Variants in STXBP5 observed in about 807,000 individuals in gnomAD.
The protein encoded by STXBP5 is syntaxin-binding protein 5.
Under a neutral mutation model 152.4 loss-of-function variants are expected in STXBP5, and 50 were observed. The ratio of observed to expected loss-of-function variants is 0.33; its 90% CI spans 0.26 to 0.42. The LOEUF (loss-of-function observed/expected upper bound fraction) is 0.42, where lower values mean the gene tolerates loss of function less well. Ranked by LOEUF, STXBP5 falls within the 10% of genes least tolerant of loss-of-function variation. The pLI, the probability that STXBP5 is intolerant of heterozygous loss-of-function variation, is 1.00. For missense variants in STXBP5, 1,167 were observed against 1,388.6 expected, an observed-to-expected ratio of 0.84 and a Z score of 2.54; for synonymous variants, 492 against 494.7, an observed-to-expected ratio of 0.99 and a Z score of 0.07.
intron 9 of STXBP5, among the ~76,000 whole-genome samples, chr6:147,298,733 A>G (rs554690418): frequency 5.9e-5 from 9 of 152,190 alleles, no homozygotes; most frequent in East Asian, 1.9e-4. Flanking sequence ...TGAATAGCCA[A>G]TGAGTCAATA....
At chr6:147,334,080 T>A (rs1261402323) in intron 18 of STXBP5, 77 bp from the exon 19 acceptor site, 11 of 1,396,420 alleles carry the variant, frequency 7.9e-6, no homozygotes, top group Non-Finnish European at 1.0e-5. Flanking sequence ...AGTAGTTAAA[T>A]GTGTACTATA....
chr6:147,219,795 G>A (rs1215788003), intron 2 of STXBP5, among the ~76,000 whole-genome samples: 1 of 123,922 alleles, frequency 8.1e-6, no homozygotes, highest in Non-Finnish European at 1.7e-5. Flanking sequence ...ATGGCTAGAA[G>A]CTTGTTTTTT....
chr6:147,354,397 A>C (rs1057418698), intron 22 of STXBP5, among the ~76,000 whole-genome samples: 1 of 152,086 alleles, frequency 6.6e-6, no homozygotes, highest in African/African-American at 2.4e-5. Flanking sequence ...CCCTAGTATA[A>C]GGGAACAAGA....
chr6:147,204,438 C>T lies in STXBP5; in HGVS notation c.-95C>T, dbSNP rs2114997890. 7.9e-7 allele frequency: 1 copy of T among 1,263,068 alleles called. No homozygotes were observed. Among genetic ancestry groups the T allele is most frequent in the Non-Finnish European group, 1.1e-6 (1 of 903,596 alleles). 78.2% of individuals were successfully genotyped at this position (1,263,068 alleles called of 1,614,324 possible). On this transcript the variant is annotated 5_prime_UTR_variant, in exon 1 of 28. Coordinates refer to ENST00000321680, the MANE Select transcript of STXBP5 (RefSeq NM_001127715.4). The surrounding 1 kb of genome is among the most constrained non-coding windows in gnomAD (Gnocchi z 4.3). ...CCTCACACTCCCACTCCTCCGTTTC[C>T]GCGGTCGAAGCTGCCTTCGGCCCCG...
chr6:147,312,568 A>G (rs1782438335), intron 11 of STXBP5, among the ~76,000 whole-genome samples: 1 of 152,094 alleles, frequency 6.6e-6, no homozygotes, highest in Non-Finnish European at 1.5e-5. Flanking sequence ...AGTGGGTAGA[A>G]GACAGAGATG....
chr6:147,377,131 A>G (rs1201304425), intron 26 of STXBP5, among the ~76,000 whole-genome samples: 1 of 152,184 alleles, frequency 6.6e-6, no homozygotes, highest in African/African-American at 2.4e-5. Context: ...CAAAGAGTTA[A>G]AATAACTTTA....
chr6:147,374,947 G>A (rs1288502428), intron 26 of STXBP5, among the ~76,000 whole-genome samples: 1 of 152,112 alleles, frequency 6.6e-6, no homozygotes, highest in Admixed American at 6.6e-5. Context: ...TCAAATATCT[G>A]GGTGGCCTGT....
intron 21 of STXBP5, among the ~76,000 whole-genome samples, chr6:147,352,694 T>C (rs1784643544): frequency 6.6e-6 from 1 of 152,180 alleles, no homozygotes; most frequent in Non-Finnish European, 1.5e-5. Context: ...AACTTAGTCT[T>C]AGGCCTCTAT....
At chr6:147,232,095 A>C (rs1582817124) in intron 2 of STXBP5, among the ~76,000 whole-genome samples, 1 of 151,854 alleles carries the variant, frequency 6.6e-6, no homozygotes, top group Non-Finnish European at 1.5e-5. Context: ...TAGTCTAGAT[A>C]GGTCTTATAT....
chr6:147,274,675 T>C (rs1157571600), intron 7 of STXBP5, among the ~76,000 whole-genome samples: 4 of 152,080 alleles, frequency 2.6e-5, no homozygotes, highest in African/African-American at 9.7e-5. Context: ...ATTTTCAATA[T>C]TTTCATGTAT....
chr6:147,265,232 G>A (rs1334350927), intron 6 of STXBP5, among the ~76,000 whole-genome samples: 3 of 152,034 alleles, frequency 2.0e-5, no homozygotes, highest in African/African-American at 7.2e-5. Context: ...ACTGTATTCT[G>A]TACTAAAGTA....
chr6:147,365,372 G>A (rs1275395524), intron 25 of STXBP5, among the ~76,000 whole-genome samples: 2 of 152,106 alleles, frequency 1.3e-5, no homozygotes, highest in African/African-American at 4.8e-5. Context: ...CTAGCAAAAT[G>A]TTATGTTAAG....
At chr6:147,235,124 C>G in intron 2 of STXBP5, 126 bp from the exon 3 acceptor site, 1 of 712,226 alleles carries the variant, frequency 1.4e-6, no homozygotes, top group East Asian at 2.8e-5. Flanking sequence ...AACTCTAAAT[C>G]TCAACTTCAG....
intron 1 of STXBP5, among the ~76,000 whole-genome samples, chr6:147,205,569 C>T (rs966799879): frequency 6.6e-6 from 1 of 151,994 alleles, no homozygotes; most frequent in Non-Finnish European, 1.5e-5. Context: ...GAAGTACTTG[C>T]GTTAGCATCC....
rs1776578786 is a variant in STXBP5, at chr6:147,206,647, CTT to C, written c.248+580_248+581del. On this transcript the variant is annotated intron_variant, in intron 2 of 27. Coordinates refer to ENST00000321680, the MANE Select transcript of STXBP5 (RefSeq NM_001127715.4). The stretch of plus-strand genomic sequence containing the variant: ...AAATGCATGGGGATAAATTTTTTCT[CTT>C]GATATACTTTTTCTCTCATAGTCTA... 2.0e-5 allele frequency among the ~76,000 whole-genome samples: 3 copies of C among 151,984 alleles called. No homozygotes were observed. The South Asian group carries it at 6.2e-4, about 31-fold the overall frequency.
intron 10 of STXBP5, among the ~76,000 whole-genome samples, chr6:147,310,789 A>C (rs1362225355): frequency 3.3e-5 from 5 of 152,188 alleles, no homozygotes; most frequent in Admixed American, 3.3e-4. Context: ...TGACTGAATG[A>C]GGCCCATTCG....
intron 9 of STXBP5, among the ~76,000 whole-genome samples, chr6:147,295,362 C>T (rs116273670): frequency 2.4e-3 from 359 of 152,286 alleles, no homozygotes; most frequent in African/African-American, 8.1e-3. Flanking sequence ...TTGGGAAAAG[C>T]ATCTCTTTAT....
intron 4 of STXBP5, among the ~76,000 whole-genome samples, chr6:147,246,590 T>C (rs1030974144): frequency 2.6e-5 from 4 of 152,174 alleles, no homozygotes; most frequent in African/African-American, 9.7e-5. Context: ...TTAATATATT[T>C]CTAAAGACGT....
intron 4 of STXBP5, among the ~76,000 whole-genome samples, chr6:147,251,928 G>A (rs978253389): frequency 1.3e-5 from 2 of 152,188 alleles, no homozygotes; most frequent in Non-Finnish European, 2.9e-5. Context: ...CTCTGCTGGT[G>A]ATACCCAGGC....
Sources: allele counts gnomAD v4.1 joint callset (sites outside exome capture counted in the v4.1 genomes callset), GRCh38; gene constraint gnomAD v4.1.1; non-coding constraint Gnocchi (gnomAD v3.1); transcripts MANE v1.5; gene names NCBI Gene and HGNC (gene_info 2026-07-23, HGNC 2026-07-21).